The following MEGF9 variants were observed in gnomAD, a reference collection of about 807,000 sequenced individuals.
MEGF9 encodes the protein multiple EGF like domains 9.
In MEGF9, 6 loss-of-function variants were observed where a neutral mutation model predicts 46.8. That is an observed-to-expected ratio of 0.13 (90% CI 0.07 to 0.25). The LOEUF is 0.25. MEGF9 is among the 10% of genes least tolerant of loss of function. The probability of loss-of-function intolerance (pLI) is 1.00; values close to 1 mark genes in which losing one functional copy is unlikely to be tolerated. For missense variants in MEGF9, 683 were observed against 792.4 expected, an observed-to-expected ratio of 0.86 and a Z score of 1.66; for synonymous variants, 302 against 330.7, an observed-to-expected ratio of 0.91 and a Z score of 0.94.
At chr9:120,665,827 C>A (rs1769342085) in intron 1 of MEGF9, among the ~76,000 whole-genome samples, 1 of 152,138 alleles carries the variant, frequency 6.6e-6, no homozygotes. Flanking sequence ...ATCCATTTTT[C>A]CCAGCATCAT....
intron 2 of MEGF9, among the ~76,000 whole-genome samples, chr9:120,652,168 ACACACACAC>A (rs2043653472): frequency 2.3e-5 from 1 of 42,814 alleles, no homozygotes; most frequent in African/African-American, 8.3e-5. Flanking sequence ...ACACACACAC[ACACACACAC>A]ACACAAAAAA....
At chr9:120,673,866 A>C (rs2043760968) in intron 1 of MEGF9, among the ~76,000 whole-genome samples, 1 of 150,730 alleles carries the variant, frequency 6.6e-6, no homozygotes, top group Non-Finnish European at 1.5e-5. Flanking sequence ...GCTACTGGGG[A>C]GGCTGAGACG....
chr9:120,704,129 T>C (rs2132344989), intron 1 of MEGF9, among the ~76,000 whole-genome samples: 1 of 151,956 alleles, frequency 6.6e-6, no homozygotes, highest in South Asian at 2.1e-4. Flanking sequence ...AGGTCAGAAG[T>C]TCAAGACCAA....
At chr9:120,633,690 T>C (rs1262844052) in intron 2 of MEGF9, among the ~76,000 whole-genome samples, 1 of 152,132 alleles carries the variant, frequency 6.6e-6, no homozygotes, top group Admixed American at 6.5e-5. Context: ...CATTAGGTTG[T>C]TTATTTGAAA....
At chr9:120,690,379 G>GTA (rs1554799116) in intron 1 of MEGF9, among the ~76,000 whole-genome samples, 1 of 152,078 alleles carries the variant, frequency 6.6e-6, no homozygotes, top group East Asian at 1.9e-4. Context: ...GTGTGTGTGT[G>GTA]TATATATTAA....
chr9:120,656,693 A>G (rs778870775), intron 2 of MEGF9, among the ~76,000 whole-genome samples: 6 of 152,176 alleles, frequency 3.9e-5, no homozygotes, highest in Non-Finnish European at 7.4e-5. Flanking sequence ...AGATTTATGC[A>G]TGCATTATCC....
intron 1 of MEGF9, among the ~76,000 whole-genome samples, chr9:120,698,382 C>A (rs2043888448): frequency 6.6e-6 from 1 of 152,168 alleles, no homozygotes; most frequent in Non-Finnish European, 1.5e-5. Context: ...CAGTTCTGAG[C>A]AGTACCATTA....
chr9:120,624,081 G>A (rs1234256643), intron 2 of MEGF9, among the ~76,000 whole-genome samples: 1 of 152,204 alleles, frequency 6.6e-6, no homozygotes, highest in African/African-American at 2.4e-5. Flanking sequence ...TATTCCTGAA[G>A]TGGGTTTTCC....
At chr9:120,698,919 AGATGG>A (rs2043890687) in intron 1 of MEGF9, among the ~76,000 whole-genome samples, 3 of 152,224 alleles carry the variant, frequency 2.0e-5, no homozygotes, top group African/African-American at 7.2e-5. Flanking sequence ...CAAGCCAGGC[AGATGG>A]GCACCTTGTC....
intron 1 of MEGF9, among the ~76,000 whole-genome samples, chr9:120,660,123 G>A (rs759749473): frequency 6.6e-6 from 1 of 152,026 alleles, no homozygotes; most frequent in African/African-American, 2.4e-5. Flanking sequence ...ATCCTGATCT[G>A]TGAGTTGAAT....
rs1231372343 is a variant in MEGF9, at chr9:120,714,024, G to A, written c.335C>T (p.Ser112Phe). ...TTPLWATAGPSSTTFQAPLGP... is the reference protein window; with the variant it reads ...TTPLWATAGPFSTTFQAPLGP... ...GAGCGGCGCCTGAAAGGTGGTGGAA[G>A]AGGGTCCAGCAGTCGCCCAAAGAGG... is the stretch of plus-strand genomic sequence containing the variant. Residue 112 changes from serine (S) to phenylalanine (F), a missense_variant, in exon 1 of 6, where the codon TCT becomes TTT. By Grantham distance (155) the Ser-to-Phe change is radical. This residue lies in a region of MEGF9 where 370 missense variants were observed against 371.3 expected (regional missense o/e 1.00). Coordinates refer to ENST00000373930, the MANE Select transcript of MEGF9 (RefSeq NM_001080497.3). 6 of 1,369,180 alleles carry A rather than the reference G, an allele frequency of 4.4e-6. No individual in the cohort carries two copies. In the South Asian group the frequency reaches 5.4e-5, roughly 12 times the overall value. The allele number at this position is 1,369,180 out of a possible 1,614,324, so 84.8% of individuals were successfully genotyped here. A position where few individuals can be genotyped will look rare whatever the true frequency, so the allele number is the denominator to read the frequency against.
At chr9:120,630,766 T>C (rs1162246260) in intron 2 of MEGF9, among the ~76,000 whole-genome samples, 1 of 152,222 alleles carries the variant, frequency 6.6e-6, no homozygotes, top group Non-Finnish European at 1.5e-5. Flanking sequence ...ATTAGTGATG[T>C]TGAGTACTTT....
At chr9:120,656,308 G>A (rs541416241) in intron 2 of MEGF9, among the ~76,000 whole-genome samples, 57 of 152,272 alleles carry the variant, frequency 3.7e-4, no homozygotes, top group African/African-American at 1.3e-3. Context: ...AGCACTTTGG[G>A]AGGCTAAGGC....
intron 1 of MEGF9, among the ~76,000 whole-genome samples, chr9:120,675,655 G>GA (rs34308324): frequency 0.6 from 90,051 of 150,604 alleles, 29,189 homozygotes; most frequent in South Asian, 0.75. Context: ...TTGGGAGGCC[G>GA]AGGGGGGTGG....
In MEGF9 at chr9:120,629,530, C is replaced by T. The variant is rs558324994; in HGVS notation, c.804-6775G>A. On this transcript the variant is annotated intron_variant, in intron 2 of 5. Transcript: ENST00000373930. ...GCACACGGCTGTAATTCCAGCTACT[C>T]GGGAGGCTGAGGCATGAGACTTGCT... is the stretch of plus-strand genomic sequence containing the variant. Among the ~76,000 whole-genome samples the T allele has an allele frequency of 9.2e-5, 14 of 152,218 alleles. No homozygotes were observed. The East Asian group carries it at 9.7e-4, about 10-fold the overall frequency.
chr9:120,635,520 T>TC (rs1328529990), intron 2 of MEGF9, among the ~76,000 whole-genome samples: 10 of 149,948 alleles, frequency 6.7e-5, no homozygotes, highest in African/African-American at 2.4e-4. Context: ...TTTCTCTCTC[T>TC]TTTTTTTTTC....
chr9:120,652,117 T>G (rs2043652576), intron 2 of MEGF9, among the ~76,000 whole-genome samples: 1 of 136,112 alleles, frequency 7.3e-6, no homozygotes, highest in South Asian at 2.4e-4. Flanking sequence ...ACTAATTCTA[T>G]TCCTCAGTTA....
chr9:120,701,858 T>C (rs1247195528), intron 1 of MEGF9, among the ~76,000 whole-genome samples: 3 of 151,854 alleles, frequency 2.0e-5, no homozygotes, highest in South Asian at 2.1e-4. Flanking sequence ...TCCTGGCTAA[T>C]ATGCTGAAAC....
At chr9:120,659,347 A>G in intron 2 of MEGF9, 27 bp downstream of exon 2, 2 of 1,592,000 alleles carry the variant, frequency 1.3e-6, no homozygotes, top group East Asian at 4.5e-5. Context: ...AATAAAATAA[A>G]CTTCAGTTCC....
Sources: allele counts gnomAD v4.1 joint callset (sites outside exome capture counted in the v4.1 genomes callset), GRCh38; gene constraint gnomAD v4.1.1; regional missense constraint gnomAD v4.1.1; transcripts MANE v1.5; gene names NCBI Gene and HGNC (gene_info 2026-07-23, HGNC 2026-07-21).